DPH6: variants seen among roughly 807,000 people sequenced by gnomAD.
DPH6 encodes the protein diphthamine biosynthesis 6.
DPH6 carries 33 observed loss-of-function variants against 38.2 expected under a neutral mutation model. The observed-to-expected ratio is 0.86, with a 90% CI of 0.65 to 1.15. The LOEUF (loss-of-function observed/expected upper bound fraction) is 1.15, where lower values mean the gene tolerates loss of function less well. Ranked by LOEUF, DPH6 falls within the 50% of genes most tolerant of loss-of-function variation. DPH6 has a pLI of 0.00. For missense variants in DPH6, 325 were observed against 320.0 expected (o/e 1.02, Z -0.12); for synonymous variants, 108 against 103.0 (o/e 1.05, Z -0.30).
chr15:35,261,443 A>G (rs1207849137), intron 3 of DPH6, among the ~76,000 whole-genome samples: 1 of 152,168 alleles, frequency 6.6e-6, no homozygotes, highest in Non-Finnish European at 1.5e-5. Flanking sequence ...ACTTCTCAAA[A>G]TTATTTGGCA....
the DPH6 span, among the ~76,000 whole-genome samples, chr15:35,193,509 A>C: frequency 1.3e-5 from 2 of 152,120 alleles, no homozygotes; most frequent in Non-Finnish European, 2.9e-5. Context: ...TCACTTATTA[A>C]TCTAGATGCT....
intron 2 of DPH6, among the ~76,000 whole-genome samples, chr15:35,538,780 A>C (rs2141560012): frequency 6.6e-6 from 1 of 152,292 alleles, no homozygotes; most frequent in African/African-American, 2.4e-5. Flanking sequence ...AATTTTGATT[A>C]GTTTATTCAG....
chr15:35,171,616 A>G, the DPH6 span, among the ~76,000 whole-genome samples: 2 of 152,190 alleles, frequency 1.3e-5, no homozygotes, highest in East Asian at 1.9e-4. Context: ...AAGATAAAAT[A>G]TAAGAAATTA....
chr15:35,450,583 T>G (rs1482041139), intron 5 of DPH6, 102 bp downstream of exon 5: 1 of 957,808 alleles, frequency 1.0e-6, no homozygotes, highest in East Asian at 2.6e-5. Context: ...TCCACATTTT[T>G]ATATTCTAAA....
chr15:35,153,176 G>A, the DPH6 span, among the ~76,000 whole-genome samples: 1 of 152,104 alleles, frequency 6.6e-6, no homozygotes, highest in South Asian at 2.1e-4. Context: ...GTATACGGCT[G>A]CTGTCACTGT....
At position 35,542,965 on chromosome 15, in the gene DPH6, T is replaced by TATATAA. The variant is rs58422347; in HGVS notation, c.24-459_24-458insTTATAT. Among the ~76,000 whole-genome samples, 149 of 76,170 alleles carry TATATAA rather than the reference T, an allele frequency of 2.0e-3. 19 individuals carry two copies. The highest frequency in any genetic ancestry group is 4.6e-3 in the Admixed American group (26 of 5,622). 50.0% of individuals were successfully genotyped at this position (76,170 alleles called of 152,430 possible). A position where few individuals can be genotyped will look rare whatever the true frequency, so the allele number is the denominator to read the frequency against. On this transcript the variant is annotated intron_variant, in intron 1 of 8. Transcript: ENST00000256538. ...TAAGGAATATATATATATATATATA[T>TATATAA]AAAATAATTTCATAGAAATTATTGG...
the DPH6 span, among the ~76,000 whole-genome samples, chr15:35,209,718 T>C: frequency 6.6e-6 from 1 of 152,208 alleles, no homozygotes; most frequent in Non-Finnish European, 1.5e-5. Flanking sequence ...ATAAAATTAG[T>C]GATGACTATA....
At chr15:35,284,613 TG>T (rs35081805) in intron 3 of DPH6, among the ~76,000 whole-genome samples, 1 of 150,918 alleles carries the variant, frequency 6.6e-6, no homozygotes, top group African/African-American at 2.4e-5. Context: ...ACCTATATTT[TG>T]GGGGAGTGGT....
chr15:35,479,259 C>A (rs1203199535), intron 3 of DPH6, among the ~76,000 whole-genome samples: 1 of 151,912 alleles, frequency 6.6e-6, no homozygotes, highest in South Asian at 2.1e-4. Context: ...TATCACAGAC[C>A]CATATAAATT....
the DPH6 span, among the ~76,000 whole-genome samples, chr15:35,162,641 T>G: frequency 2.0e-5 from 3 of 152,000 alleles, no homozygotes; most frequent in East Asian, 5.8e-4. Flanking sequence ...ACCCTGCTTT[T>G]TTCTCTTCAC....
rs537310497 is a variant in DPH6, at chr15:35,374,105, T to A, written c.663-497A>T. On this transcript the variant is annotated intron_variant, in intron 7 of 8. Transcript: ENST00000256538. ...ACTGCAGTATCATTGCTATTAAAAT[T>A]GATTGTCTGACATAGTAATGACCAC... Among the ~76,000 whole-genome samples the A allele has an allele frequency of 8.5e-5, 13 of 152,158 alleles. No individual in the cohort carries two copies. The East Asian group carries it at 2.5e-3, about 29-fold the overall frequency.
rs547007660 is a variant in DPH6, at chr15:35,302,580, T to C, written n.200+70941A>G. ...AAGATAAAAGCAGCATTTTAATAGA[T>C]TATGGCAAAGAGATCCTGTCAGAGT... On this transcript the variant is annotated intron_variant and non_coding_transcript_variant, in intron 3 of 3. Transcript: ENST00000560386. Among the ~76,000 whole-genome samples the C allele has an allele frequency of 4.4e-4, 67 of 152,284 alleles. 1 individual carries two copies. The highest frequency in any genetic ancestry group is 1.5e-3 in the African/African-American group (63 of 41,552).
chr15:35,250,252 G>C (rs1189023920), intron 3 of DPH6, among the ~76,000 whole-genome samples: 6 of 151,748 alleles, frequency 4.0e-5, no homozygotes, highest in Non-Finnish European at 8.8e-5. Flanking sequence ...TACCCTAATG[G>C]CTTAACATTT....
At chr15:35,386,717 G>T (rs1437459296) in intron 6 of DPH6, among the ~76,000 whole-genome samples, 1 of 152,110 alleles carries the variant, frequency 6.6e-6, no homozygotes, top group Non-Finnish European at 1.5e-5. Context: ...ATTTGTTTGG[G>T]TTCATTGTAG....
chr15:35,481,852 T>C (rs1476549847), intron 3 of DPH6, among the ~76,000 whole-genome samples: 1 of 152,158 alleles, frequency 6.6e-6, no homozygotes, highest in Non-Finnish European at 1.5e-5. Flanking sequence ...AATAAAAGGC[T>C]ATAAAAGAAA....
intron 1 of DPH6, among the ~76,000 whole-genome samples, chr15:35,544,691 C>T (rs925958586): frequency 8.5e-5 from 13 of 152,222 alleles, no homozygotes; most frequent in Middle Eastern, 3.4e-3. Flanking sequence ...ACAGCTCTTA[C>T]GCTTCAGCAA....
intron 5 of DPH6, among the ~76,000 whole-genome samples, chr15:35,448,641 A>C (rs1446051439): frequency 1.3e-5 from 2 of 152,174 alleles, no homozygotes; most frequent in Admixed American, 1.3e-4. Context: ...CCTATATGTC[A>C]TCAATAATAG....
chr15:35,373,903 T>A (rs77227700), intron 7 of DPH6, among the ~76,000 whole-genome samples: 1 of 152,036 alleles, frequency 6.6e-6, no homozygotes, highest in Non-Finnish European at 1.5e-5. Context: ...AAATTCCTGT[T>A]CAATTTCATT....
chr15:35,520,417 A>G, intron 3 of DPH6: 1 of 982,990 alleles, frequency 1.0e-6, no homozygotes, highest in Non-Finnish European at 1.2e-6. Flanking sequence ...AATAGTCATG[A>G]ATCTTACCTT....
Sources: gnomAD v4.1 joint callset for allele counts (sites outside exome capture counted in the v4.1 genomes callset) on GRCh38, gnomAD v4.1.1 for gene constraint, MANE v1.5 for transcripts, NCBI Gene and HGNC (gene_info 2026-07-23, HGNC 2026-07-21) for gene names.